The following SLC28A3 variants were observed in gnomAD, a reference collection of about 807,000 sequenced individuals.
The protein encoded by SLC28A3 is concentrative Na(+)-nucleoside cotransporter 3.
In SLC28A3, 68 loss-of-function variants were observed where a neutral mutation model predicts 84.2. That is an observed-to-expected ratio of 0.81 (90% CI 0.66 to 0.99). The LOEUF (loss-of-function observed/expected upper bound fraction) is 0.99. SLC28A3 is among the 50% of genes least tolerant of loss of function. The pLI is 0.00. For synonymous variants in SLC28A3, 267 were observed against 303.6 expected (o/e 0.88, Z 1.25); for missense variants, 712 against 841.5 (o/e 0.85, Z 1.90).
intron 1 of SLC28A3, among the ~76,000 whole-genome samples, chr9:84,321,802 A>C (rs997508475): frequency 5.3e-5 from 8 of 151,602 alleles, no homozygotes; most frequent in African/African-American, 1.9e-4. Context: ...CTATAATCCC[A>C]GCACTTTGGG....
chr9:84,285,387 T>C lies in SLC28A3; in HGVS notation c.1605A>G (p.Glu535=), dbSNP rs1224830356. ...HLSKWIHLRK[E]GGPKFVNGVQ... ...CACCGTTTACAAATTTGGGTCCACC[T>C]TCTTTCCTCAAGTGGATCCATTTTG... is the stretch of plus-strand genomic sequence containing the variant. Residue 535 remains glutamate, a synonymous_variant, in exon 14 of 18, where the codon GAA becomes GAG. Transcript: ENST00000376238. The C allele has an allele frequency of 1.2e-6, 2 of 1,614,068 alleles. No homozygotes were observed. Among genetic ancestry groups the C allele is most frequent in the Non-Finnish European group, 1.7e-6 (2 of 1,179,930 alleles).
At chr9:84,347,327 T>C in the SLC28A3 span, among the ~76,000 whole-genome samples, 1 of 151,942 alleles carries the variant, frequency 6.6e-6, no homozygotes, top group Non-Finnish European at 1.5e-5. Context: ...AGTCTTCACA[T>C]GAGGTATTAA....
Position 84,323,279 on chromosome 9 carries a change from T to C in SLC28A3, c.61-9825A>G, listed in dbSNP as rs528917252. Among the ~76,000 whole-genome samples, 3 of 152,220 alleles carry C rather than the reference T, an allele frequency of 2.0e-5. No individual in the cohort carries two copies. The South Asian group carries it at 6.2e-4, about 32-fold the overall frequency. The stretch of plus-strand genomic sequence containing the variant: ...GCAAGTATATGATGTGGAGTATTAG[T>C]ATACCTATTTTTAGATGAGCAAACA... On this transcript the variant is annotated intron_variant, in intron 1 of 17. Transcript: ENST00000376238.
At position 84,285,435 on chromosome 9, in the gene SLC28A3, T is replaced by TTCA; in HGVS notation, c.1554_1556dup (p.Asn518_Glu519insAsp). 1 of 1,614,176 alleles carries TTCA rather than the reference T, an allele frequency of 6.2e-7. No homozygotes were observed. The highest frequency in any genetic ancestry group is 8.5e-7 in the Non-Finnish European group (1 of 1,180,012). ...TTGAGAGGTGCTCATAAGCCACAAATTCATTGAAGAAGGTCTTATAACCTA... is the reference window on the plus strand; with the variant it reads ...TTGAGAGGTGCTCATAAGCCACAAATTCATCATTGAAGAAGGTCTTATAACCTA... On this transcript the variant is annotated inframe_insertion, in exon 14 of 18. Transcript: ENST00000376238.
chr9:84,325,708 G>A (rs1826524658), intron 1 of SLC28A3, among the ~76,000 whole-genome samples: 2 of 152,188 alleles, frequency 1.3e-5, no homozygotes, highest in African/African-American at 2.4e-5. Flanking sequence ...CAGGATATTA[G>A]AAGGAAGATT....
intron 1 of SLC28A3, among the ~76,000 whole-genome samples, chr9:84,323,857 C>T (rs532218872): frequency 6.6e-6 from 1 of 152,094 alleles, no homozygotes; most frequent in Non-Finnish European, 1.5e-5. Context: ...TCACTTTCCT[C>T]CCTCTCCCAT....
chr9:84,359,277 T>C, the SLC28A3 span, among the ~76,000 whole-genome samples: 1 of 152,210 alleles, frequency 6.6e-6, no homozygotes, highest in East Asian at 1.9e-4. Context: ...AAACTGATGA[T>C]CTTATAAAAA....
intron 4 of SLC28A3, among the ~76,000 whole-genome samples, chr9:84,303,341 A>G (rs1242598165): frequency 6.6e-6 from 1 of 152,152 alleles, no homozygotes. Flanking sequence ...TTTGTTTGAT[A>G]TGGAGTTTTG....
chr9:84,309,438 G>A (rs886475720), intron 3 of SLC28A3, among the ~76,000 whole-genome samples, 191 bp downstream of exon 3: 4 of 143,912 alleles, frequency 2.8e-5, no homozygotes, highest in East Asian at 2.1e-4. Flanking sequence ...TGGGAGAATC[G>A]CTTGAACTTG....
chr9:84,357,171 T>C, the SLC28A3 span, among the ~76,000 whole-genome samples: 25,096 of 152,116 alleles, frequency 0.16, 2,211 homozygotes, highest in African/African-American at 0.22. Flanking sequence ...AGGGGTTTAA[T>C]AGATATCAGT....
intron 1 of SLC28A3, among the ~76,000 whole-genome samples, chr9:84,320,440 C>T (rs1417573259): frequency 6.6e-6 from 1 of 152,250 alleles, no homozygotes; most frequent in African/African-American, 2.4e-5. Flanking sequence ...TCATCATGCA[C>T]CATAGACTAC....
chr9:84,359,112 C>T, the SLC28A3 span, among the ~76,000 whole-genome samples: 2 of 152,178 alleles, frequency 1.3e-5, no homozygotes, highest in South Asian at 4.1e-4. Flanking sequence ...GCATCTCCAG[C>T]CCCGTCCTCT....
At chr9:84,313,132 G>C (rs12005041) in intron 2 of SLC28A3, among the ~76,000 whole-genome samples, 16,306 of 152,254 alleles carry the variant, frequency 0.11, 1,006 homozygotes, top group Admixed American at 0.19. Context: ...ATAGTGAAGT[G>C]ATGCTTCCCA....
intron 3 of SLC28A3, among the ~76,000 whole-genome samples, chr9:84,307,079 G>A (rs111958887): frequency 1.4e-5 from 2 of 140,266 alleles, no homozygotes; most frequent in African/African-American, 5.3e-5. Flanking sequence ...ACTTGAGCCC[G>A]AGCGGTCAAG....
At position 84,294,239 on chromosome 9, in the gene SLC28A3, A is replaced by G. The variant is rs1327205351; in HGVS notation, c.898T>C (p.Ser300Pro). 1.2e-6 allele frequency: 2 copies of G among 1,614,180 alleles called. No homozygotes were observed. The highest frequency in any genetic ancestry group is 2.2e-5 in the South Asian group (2 of 91,084). ...PIVVFFSTVM[S>P]MLYYLGLMQW... ...ATCAGTCCCAGGTAGTACAGCATGGACATCACAGTGCTGAAGAAAACCACG... is the reference window on the plus strand; with the variant it reads ...ATCAGTCCCAGGTAGTACAGCATGGGCATCACAGTGCTGAAGAAAACCACG... Residue 300 changes from serine to proline, a missense_variant, in exon 9 of 18, where the codon TCC becomes CCC. Transcript: ENST00000376238.
At chr9:84,333,706 T>A (rs1030878746) in intron 1 of SLC28A3, among the ~76,000 whole-genome samples, 14 of 152,134 alleles carry the variant, frequency 9.2e-5, no homozygotes, top group African/African-American at 3.4e-4. Flanking sequence ...GCATGCAAAT[T>A]GGTAAAATCA....
the SLC28A3 span, among the ~76,000 whole-genome samples, chr9:84,351,127 C>A: frequency 6.6e-6 from 1 of 152,136 alleles, no homozygotes; most frequent in Non-Finnish European, 1.5e-5. Context: ...TCTTTATAGT[C>A]TTATTCTATC....
intron 10 of SLC28A3, among the ~76,000 whole-genome samples, chr9:84,292,433 G>A (rs975995141): frequency 2.1e-4 from 31 of 150,262 alleles, no homozygotes; most frequent in African/African-American, 7.2e-4. Flanking sequence ...CTGTTAAAAG[G>A]AATTTCTCTC....
the SLC28A3 span, among the ~76,000 whole-genome samples, chr9:84,348,669 T>C: frequency 1.3e-5 from 2 of 152,132 alleles, no homozygotes; most frequent in Non-Finnish European, 2.9e-5. Context: ...CTTTAAGAGG[T>C]GATTAGGTCA....
Sources: gnomAD v4.1 joint callset for allele counts (sites outside exome capture counted in the v4.1 genomes callset) on GRCh38, gnomAD v4.1.1 for gene constraint, MANE v1.5 for transcripts, NCBI Gene and HGNC (gene_info 2026-07-23, HGNC 2026-07-21) for gene names.